NNT: variants seen among roughly 807,000 people sequenced by gnomAD.
NNT encodes nicotinamide nucleotide transhydrogenase.
A neutral mutation model predicts 104.8 loss-of-function variants in NNT; 50 were observed. The observed-to-expected ratio is 0.48, with a 90% CI of 0.38 to 0.60. The LOEUF (loss-of-function observed/expected upper bound fraction) is 0.60. Among genes scored for constraint, NNT ranks in the 20% least tolerant of loss-of-function variants. The probability of loss-of-function intolerance (pLI) is 0.00; values close to 1 mark genes in which losing one functional copy is unlikely to be tolerated. For synonymous variants in NNT, 461 were observed against 490.4 expected, an observed-to-expected ratio of 0.94 and a Z score of 0.79; for missense variants, 1,131 against 1,330.7, an observed-to-expected ratio of 0.85 and a Z score of 2.33.
rs1436796356 is a variant in NNT, at chr5:43,706,347, C to T, written c.*1943C>T. 1.3e-5 allele frequency: 2 copies of T among 151,610 alleles called. No homozygotes were observed. The highest frequency in any genetic ancestry group is 2.1e-4 in the South Asian group (1 of 4,822). The allele number at this position is 151,610 out of a possible 1,614,324, so 9.4% of individuals were successfully genotyped here. A position where few individuals can be genotyped will look rare whatever the true frequency, so the allele number is the denominator to read the frequency against. ...ATTCTATTTCATTATTCCTCTTTTTCCAATAAGTCATACAATTGGTAGATA... is the reference window on the plus strand; with the variant it reads ...ATTCTATTTCATTATTCCTCTTTTTTCAATAAGTCATACAATTGGTAGATA... On this transcript the variant is annotated 3_prime_UTR_variant, in exon 22 of 22. Coordinates refer to ENST00000344920, the MANE Select transcript of NNT (RefSeq NM_182977.3).
At position 43,700,236 on chromosome 5, in the gene NNT, A is replaced by G. The variant is rs750283860; in HGVS notation, c.2994A>G (p.Pro998=). ...TGGATGAGATCAACCATGATTTTCC[A>G]GGTAAGTGGTGGGGGCAATTGTGAA... ...LEMDEINHDF[P]DTDLVLVIGA... is the part of the protein sequence containing the mutation. The change falls in exon 20 of 22, where the codon CCA becomes CCG. Residue 998 remains proline, a splice_region_variant and synonymous_variant. Coordinates refer to ENST00000344920, the MANE Select transcript of NNT (RefSeq NM_182977.3). The G allele has an allele frequency of 4.4e-6, 7 of 1,606,512 alleles. No homozygotes were observed. The Middle Eastern group carries it at 9.9e-4, about 227-fold the overall frequency.
At chr5:43,658,737 GC>G (rs1036353510) in intron 16 of NNT, among the ~76,000 whole-genome samples, 17 of 152,108 alleles carry the variant, frequency 1.1e-4, no homozygotes, top group African/African-American at 3.1e-4. Flanking sequence ...CTTTCCAGCT[GC>G]CTTAGTCATC....
intron 20 of NNT, among the ~76,000 whole-genome samples, chr5:43,701,673 A>G (rs181739402): frequency 1.3e-5 from 2 of 152,298 alleles, no homozygotes; most frequent in East Asian, 3.9e-4. Flanking sequence ...ACACTGGCTG[A>G]ACTAATTTAC....
chr5:43,606,733 G>A (rs965963183), intron 1 of NNT, among the ~76,000 whole-genome samples: 8 of 152,114 alleles, frequency 5.3e-5, no homozygotes, highest in Admixed American at 2.0e-4. Flanking sequence ...AGGACTCTGA[G>A]CTTGTGTTAC....
chr5:43,688,594 A>G (rs181361925), intron 19 of NNT, among the ~76,000 whole-genome samples: 120 of 152,012 alleles, frequency 7.9e-4, no homozygotes, highest in African/African-American at 2.7e-3. Context: ...CTAAAGTTCA[A>G]TGTATTGTTC....
intron 19 of NNT, among the ~76,000 whole-genome samples, chr5:43,690,972 T>G (rs374546974): frequency 2.0e-5 from 3 of 152,266 alleles, no homozygotes; most frequent in South Asian, 2.1e-4. Flanking sequence ...TCTTCTCTTC[T>G]GTGCAAATAA....
At chr5:43,671,650 T>C (rs1741097976) in intron 17 of NNT, among the ~76,000 whole-genome samples, 1 of 152,228 alleles carries the variant, frequency 6.6e-6, no homozygotes, top group Non-Finnish European at 1.5e-5. Flanking sequence ...TGCTGAGAGA[T>C]CAGCTGTTAG....
intron 17 of NNT, among the ~76,000 whole-genome samples, chr5:43,663,519 A>G (rs905106341): frequency 6.6e-6 from 1 of 152,226 alleles, no homozygotes; most frequent in Non-Finnish European, 1.5e-5. Context: ...CTGATTTCTC[A>G]CTTTTTACAT....
In NNT at chr5:43,667,809, G is replaced by T. The variant is rs866921887; in HGVS notation, c.2635-7702G>T. Among the ~76,000 whole-genome samples, 5 of 150,564 alleles carry T rather than the reference G, an allele frequency of 3.3e-5. No individual in the cohort carries two copies. In the South Asian group the frequency reaches 1.0e-3, roughly 31 times the overall value. ...AGTAATGGGATGGCTGGGTCAAATGGTATTTCTAGTTCTAGATCCTTGAGG... is the reference window on the plus strand; with the variant it reads ...AGTAATGGGATGGCTGGGTCAAATGTTATTTCTAGTTCTAGATCCTTGAGG... On this transcript the variant is annotated intron_variant, in intron 17 of 21. Coordinates refer to ENST00000344920, the MANE Select transcript of NNT (RefSeq NM_182977.3).
chr5:43,653,349 T>C, intron 14 of NNT, 136 bp downstream of exon 14: 1 of 791,902 alleles, frequency 1.3e-6, no homozygotes, highest in Non-Finnish European at 1.9e-6. Flanking sequence ...GAAAATTCAT[T>C]CCAGTTGGTG....
chr5:43,684,792 G>A (rs1215560428), intron 19 of NNT, among the ~76,000 whole-genome samples: 1 of 151,974 alleles, frequency 6.6e-6, no homozygotes, highest in Non-Finnish European at 1.5e-5. Flanking sequence ...CAGAAGTTCT[G>A]ATCAGCATGT....
intron 2 of NNT, among the ~76,000 whole-genome samples, chr5:43,609,586 C>G (rs1160988993): frequency 6.6e-6 from 1 of 152,194 alleles, no homozygotes; most frequent in African/African-American, 2.4e-5. Flanking sequence ...AAAAGATAAA[C>G]CAGTTGAGTT....
intron 5 of NNT, among the ~76,000 whole-genome samples, chr5:43,622,832 T>C (rs989505639): frequency 1.6e-4 from 24 of 152,200 alleles, no homozygotes; most frequent in Middle Eastern, 3.4e-3. Flanking sequence ...TAAGATCTGC[T>C]GCTTTTGTGC....
intron 14 of NNT, among the ~76,000 whole-genome samples, chr5:43,653,824 G>T (rs1739897887): frequency 1.3e-5 from 2 of 151,896 alleles, no homozygotes; most frequent in Admixed American, 6.6e-5. Context: ...GCATGGTGGC[G>T]TACAACTGTA....
intron 17 of NNT, among the ~76,000 whole-genome samples, chr5:43,673,151 G>T (rs1048007840): frequency 2.0e-5 from 3 of 152,188 alleles, no homozygotes; most frequent in Non-Finnish European, 4.4e-5. Flanking sequence ...TATTAGGGTG[G>T]GAGTGACCTG....
chr5:43,660,896 A>G (rs1347571166), intron 17 of NNT, among the ~76,000 whole-genome samples: 16 of 152,210 alleles, frequency 1.1e-4, no homozygotes, highest in Admixed American at 1.0e-3. Context: ...GTAGGGACTC[A>G]GAGCCAAACC....
At chr5:43,657,221 T>C (rs927256052) in intron 16 of NNT, among the ~76,000 whole-genome samples, 13 of 152,196 alleles carry the variant, frequency 8.5e-5, no homozygotes, top group Admixed American at 2.6e-4. Flanking sequence ...TCTTACATCA[T>C]TGGAAGATAT....
chr5:43,648,620 A>ATT (rs2035822170), intron 10 of NNT, among the ~76,000 whole-genome samples: 1 of 152,146 alleles, frequency 6.6e-6, no homozygotes. Context: ...GGTGGAAGCC[A>ATT]TATGTTTTGG....
At chr5:43,615,583 A>G (rs1176880723) in intron 3 of NNT, among the ~76,000 whole-genome samples, 1 of 152,156 alleles carries the variant, frequency 6.6e-6, no homozygotes, top group Non-Finnish European at 1.5e-5. Flanking sequence ...TCTGCAGTTA[A>G]TTGTCAAACC....
Sources: gnomAD v4.1 joint callset for allele counts (sites outside exome capture counted in the v4.1 genomes callset) on GRCh38, gnomAD v4.1.1 for gene constraint, MANE v1.5 for transcripts, NCBI Gene and HGNC (gene_info 2026-07-23, HGNC 2026-07-21) for gene names.